The following NR3C1 variants were observed in gnomAD, a reference collection of about 807,000 sequenced individuals.
The protein encoded by NR3C1 is glucocorticoid receptor.
NR3C1 carries 14 observed loss-of-function variants against 74.0 expected under a neutral mutation model. The observed-to-expected ratio is 0.19, with a 90% CI of 0.12 to 0.30. The LOEUF (loss-of-function observed/expected upper bound fraction) is 0.30. Ranked by LOEUF, NR3C1 falls within the 10% of genes least tolerant of loss-of-function variation. NR3C1 has a pLI of 1.00. For synonymous variants in NR3C1, 308 were observed against 332.5 expected (o/e 0.93, Z 0.80); for missense variants, 695 against 909.8 (o/e 0.76, Z 3.04).
chr5:143,281,211 A>G lies in NR3C1; in HGVS notation c.*678T>C, dbSNP rs1306981634. 1 of 150,328 alleles carries G rather than the reference A, an allele frequency of 6.7e-6. No homozygotes were observed. The highest frequency in any genetic ancestry group is 2.5e-5 in the African/African-American group (1 of 40,712). 9.3% of individuals were successfully genotyped at this position (150,328 alleles called of 1,614,324 possible). On this transcript the variant is annotated 3_prime_UTR_variant, in exon 9 of 9. Transcript: ENST00000394464. ...TAAGTGCCATCAGGTTAGAAGCACCAACCCATTTTCACACAGATGATTGAT... is the reference window on the plus strand; with the variant it reads ...TAAGTGCCATCAGGTTAGAAGCACCGACCCATTTTCACACAGATGATTGAT...
At chr5:143,359,701 T>C (rs1308643249) in intron 2 of NR3C1, among the ~76,000 whole-genome samples, 1 of 152,160 alleles carries the variant, frequency 6.6e-6, no homozygotes, top group Non-Finnish European at 1.5e-5. Flanking sequence ...ACAGATCACC[T>C]GAGGCCAGGA....
chr5:143,425,699 T>C (rs1751493248), intron 1 of NR3C1, among the ~76,000 whole-genome samples: 1 of 151,426 alleles, frequency 6.6e-6, no homozygotes. Context: ...AGGACAGCAA[T>C]AATTGTTTTT....
intron 2 of NR3C1, among the ~76,000 whole-genome samples, chr5:143,315,654 TTAAAC>T (rs780821045): frequency 3.9e-5 from 6 of 152,312 alleles, no homozygotes; most frequent in Non-Finnish European, 7.3e-5. Context: ...ACAAATATGT[TTAAAC>T]TAATTCACAG....
intron 1 of NR3C1, among the ~76,000 whole-genome samples, chr5:143,425,440 T>C (rs1183428448): frequency 6.6e-6 from 1 of 152,110 alleles, no homozygotes; most frequent in Non-Finnish European, 1.5e-5. Context: ...GTTGAAATTG[T>C]AGACAACGTA....
chr5:143,375,770 A>G (rs2151869197), intron 2 of NR3C1: 1 of 152,344 alleles, frequency 6.6e-6, no homozygotes. Flanking sequence ...GACTGTTTAC[A>G]CTACTGGAAA....
At position 143,416,816 on chromosome 5, in the gene NR3C1, T is replaced by C. The variant is rs183724544; in HGVS notation, c.-13-15964A>G. On this transcript the variant is annotated intron_variant, in intron 1 of 8. Coordinates refer to the NR3C1 transcript ENST00000343796. Reference sequence around the variant, plus strand: ...ACTTTACCTGCTTCACAAGTTTGGCTCGAGTTTCCTTTTAATGATTAACTA... The same window carrying C: ...ACTTTACCTGCTTCACAAGTTTGGCCCGAGTTTCCTTTTAATGATTAACTA... 1.3e-3 allele frequency among the ~76,000 whole-genome samples: 197 copies of C among 152,348 alleles called. 3 individuals carry two copies. The East Asian group carries it at 0.03, about 23-fold the overall frequency.
chr5:143,302,545 A>G (rs1818717616), intron 4 of NR3C1, among the ~76,000 whole-genome samples: 2 of 152,092 alleles, frequency 1.3e-5, no homozygotes, highest in Non-Finnish European at 2.9e-5. Context: ...TTTGGAATGC[A>G]TATTTCTTTA....
At chr5:143,327,070 T>C (rs1824760377) in intron 2 of NR3C1, among the ~76,000 whole-genome samples, 1 of 152,220 alleles carries the variant, frequency 6.6e-6, no homozygotes, top group Non-Finnish European at 1.5e-5. Context: ...TAGTCCATTC[T>C]GACACTGCTA....
intron 2 of NR3C1, among the ~76,000 whole-genome samples, chr5:143,368,141 A>G (rs1302173934): frequency 1.3e-5 from 2 of 152,242 alleles, no homozygotes; most frequent in Non-Finnish European, 2.9e-5. Context: ...CAATGGGGAA[A>G]GAATAATCTT....
chr5:143,429,824 A>C (rs1300015023), intron 1 of NR3C1, among the ~76,000 whole-genome samples: 1 of 152,202 alleles, frequency 6.6e-6, no homozygotes, highest in Non-Finnish European at 1.5e-5. Flanking sequence ...TTATGCCTGT[A>C]ATTCCAGCAC....
At chr5:143,331,766 A>G (rs916202836) in intron 2 of NR3C1, among the ~76,000 whole-genome samples, 7 of 152,334 alleles carry the variant, frequency 4.6e-5, no homozygotes, top group Non-Finnish European at 8.8e-5. Flanking sequence ...AGGGAAGGAC[A>G]GACACTGGGG....
chr5:143,311,862 C>T (rs1821054155), intron 3 of NR3C1, among the ~76,000 whole-genome samples: 1 of 150,202 alleles, frequency 6.7e-6, no homozygotes, highest in African/African-American at 2.5e-5. Flanking sequence ...AACTCCAGGC[C>T]TCAAGCAATC....
rs146783614 is a variant in NR3C1, at chr5:143,302,211, T to C, written c.1469-1448A>G. On this transcript the variant is annotated intron_variant, in intron 4 of 8. Coordinates refer to ENST00000394464, the MANE Select transcript of NR3C1 (RefSeq NM_000176.3). ...ATAGGGTTGTTGTGAGAATTAAATA[T>C]GTAAAATGCTTAGAACAGTTCCTGG... Among the ~76,000 whole-genome samples, 637 of 152,262 alleles carry C rather than the reference T, an allele frequency of 4.2e-3. 2 individuals carry two copies. Among genetic ancestry groups the C allele is most frequent in the African/African-American group, 0.015 (612 of 41,568 alleles).
chr5:143,299,710 TATAA>T (rs1241280409), intron 5 of NR3C1, among the ~76,000 whole-genome samples: 2 of 152,218 alleles, frequency 1.3e-5, no homozygotes, highest in Non-Finnish European at 2.9e-5. Context: ...ACCCCCTAAA[TATAA>T]ATATGTACAG....
At chr5:143,367,847 C>CTGAA (rs1406803436) in intron 2 of NR3C1, among the ~76,000 whole-genome samples, 3 of 152,066 alleles carry the variant, frequency 2.0e-5, no homozygotes, top group African/African-American at 4.8e-5. Context: ...CAATGCAATC[C>CTGAA]CTATCTGAAC....
intron 2 of NR3C1, among the ~76,000 whole-genome samples, chr5:143,393,068 AATCTAAAATAACTGTAACGAAC>A (rs1306911383): frequency 1.3e-5 from 2 of 152,190 alleles, no homozygotes; most frequent in African/African-American, 2.4e-5. Flanking sequence ...TTTAAGTTCT[AATCTAAAATAACTGTAACGAAC>A]ATAGAAAACA....
At chr5:143,284,697 A>AGGAAGTAAGTACAGCCTGG (rs1225276295) in intron 7 of NR3C1, among the ~76,000 whole-genome samples, 2 of 152,004 alleles carry the variant, frequency 1.3e-5, no homozygotes, top group African/African-American at 4.8e-5. Flanking sequence ...TTTTGGCTGC[A>AGGAAGTAAGTACAGCCTGG]GGAAGTAAGT....
intron 2 of NR3C1, among the ~76,000 whole-genome samples, chr5:143,373,631 T>A (rs747019126): frequency 6.6e-6 from 1 of 152,114 alleles, no homozygotes; most frequent in South Asian, 2.1e-4. Flanking sequence ...AAAGACTACA[T>A]TTAATGTGAT....
Position 143,369,009 on chromosome 5 carries a change from T to C in NR3C1, c.1184+30647A>G, listed in dbSNP as rs193286924. On this transcript the variant is annotated intron_variant, in intron 2 of 8. Transcript: ENST00000394464. Reference sequence around the variant, plus strand: ...AAAGCCACTAGTCCCAATCCAGTGATAACCCATTAGTACATTAACTCATGA... The same window carrying C: ...AAAGCCACTAGTCCCAATCCAGTGACAACCCATTAGTACATTAACTCATGA... 1.7e-3 allele frequency among the ~76,000 whole-genome samples: 262 copies of C among 152,242 alleles called. 2 individuals are homozygous for C. The highest frequency in any genetic ancestry group is 6.0e-3 in the African/African-American group (248 of 41,534).
Sources: gnomAD v4.1 joint callset for allele counts (sites outside exome capture counted in the v4.1 genomes callset) on GRCh38, gnomAD v4.1.1 for gene constraint, MANE v1.5 for transcripts, NCBI Gene and HGNC (gene_info 2026-07-23, HGNC 2026-07-21) for gene names.